Variants in COL6A3 observed in about 807,000 individuals in gnomAD.
The protein encoded by COL6A3 is collagen alpha-3(VI) chain.
In COL6A3, 137 loss-of-function variants were observed where a neutral mutation model predicts 274.1. That is an observed-to-expected ratio of 0.50 (90% CI 0.44 to 0.58). The LOEUF (loss-of-function observed/expected upper bound fraction) is 0.58, where lower values mean the gene tolerates loss of function less well. Ranked by LOEUF, COL6A3 falls within the 20% of genes least tolerant of loss-of-function variation. COL6A3 has a pLI of 0.00. For synonymous variants in COL6A3, 1,650 were observed against 1,650.6 expected, an observed-to-expected ratio of 1.00 and a Z score of 0.01; for missense variants, 3,950 against 4,124.9, an observed-to-expected ratio of 0.96 and a Z score of 1.16.
At chr2:237,395,454 G>T (rs1208682347) in intron 2 of COL6A3, among the ~76,000 whole-genome samples, 1 of 152,202 alleles carries the variant, frequency 6.6e-6, no homozygotes, top group Non-Finnish European at 1.5e-5. Context: ...TGGGCCAGTA[G>T]CATGCTCCAG....
At position 237,368,930 on chromosome 2, in the gene COL6A3, C is replaced by G. The variant is rs2645774; in HGVS notation, c.4533G>C (p.Gly1511=). 2 of 1,613,864 alleles carry G rather than the reference C, an allele frequency of 1.2e-6. No individual in the cohort carries two copies. Among genetic ancestry groups the G allele is most frequent in the African/African-American group, 1.3e-5 (1 of 74,858 alleles). Reference sequence around the variant, plus strand: ...GAGCCTTGCCAGTGTTCAGTGGGGACCCCCCTCTGAGCCTCAGGCGCCGTA... The same window carrying G: ...GAGCCTTGCCAGTGTTCAGTGGGGAGCCCCCTCTGAGCCTCAGGCGCCGTA... ...DAIRRLRLRG[G]SPLNTGKALE... The change falls in exon 10 of 44, where the codon GGG becomes GGC. Residue 1511 remains glycine (G), a synonymous_variant. Coordinates refer to ENST00000295550, the MANE Select transcript of COL6A3 (RefSeq NM_004369.4). The surrounding 1 kb of genome is among the most constrained non-coding windows in gnomAD (Gnocchi z 4.4).
chr2:237,345,072 A>G lies in COL6A3; in HGVS notation c.7148T>C (p.Ile2383Thr). Reference sequence around the variant, plus strand: ...CATGTACTTACGGCATTTATCTTTGATGCTTTGGATGAGGGCACATTGCTT... The same window carrying G: ...CATGTACTTACGGCATTTATCTTTGGTGCTTTGGATGAGGGCACATTGCTT... ...SIDQCALIQS[I>T]KDKCPCCYGP... The change falls in exon 34 of 44, where the codon ATC (isoleucine) becomes ACC (threonine). Residue 2383 changes from isoleucine (I) to threonine (T), a missense_variant. Physicochemically the swap from Ile to Thr is moderately conservative, Grantham distance 89. Around this residue, in one of 5 missense-constraint regions of COL6A3, gnomAD observed 1,284 missense variants for 1,349.7 expected, o/e 0.95. Coordinates refer to ENST00000295550, the MANE Select transcript of COL6A3 (RefSeq NM_004369.4). The G allele has an allele frequency of 6.2e-7, 1 of 1,614,194 alleles. No homozygotes were observed. The highest frequency in any genetic ancestry group is 1.3e-5 in the African/African-American group (1 of 75,048).
At chr2:237,360,199 T>C in intron 16 of COL6A3, 40 bp from the exon 17 acceptor site, 2 of 1,589,036 alleles carry the variant, frequency 1.3e-6, no homozygotes, top group Non-Finnish European at 1.7e-6. Flanking sequence ...GCTGGAGCCC[T>C]TCATCACCCT....
At chr2:237,384,790 C>T (rs1032268186) in intron 4 of COL6A3, among the ~76,000 whole-genome samples, 6 of 152,140 alleles carry the variant, frequency 3.9e-5, no homozygotes, top group Admixed American at 1.3e-4. Context: ...CCACAGCCTA[C>T]CTTCCTCTGC....
chr2:237,381,329 G>C lies in COL6A3; in HGVS notation c.1483C>G (p.Pro495Ala). Residue 495 changes from proline (P) to alanine (A), a missense_variant, in exon 5 of 44, where the codon CCT becomes GCT. By Grantham distance (27) the Pro-to-Ala change is conservative (BLOSUM62 -1). Around this residue, in one of 5 missense-constraint regions of COL6A3, gnomAD observed 1,934 missense variants for 1,984.3 expected, o/e 0.97. Transcript: ENST00000295550. ...AVAQYADTVRPEFYFNTHPTK... is the reference protein window; with the variant it reads ...AVAQYADTVRAEFYFNTHPTK... ...GGATGGGTATTGAAATAAAATTCAG[G>C]CCTCACAGTGTCTGCATACTGGGCC... 6.2e-7 allele frequency: 1 copy of C among 1,614,206 alleles called. No individual in the cohort carries two copies. The highest frequency in any genetic ancestry group is 8.5e-7 in the Non-Finnish European group (1 of 1,180,048).
intron 4 of COL6A3, among the ~76,000 whole-genome samples, chr2:237,382,834 C>G (rs1403416820): frequency 3.3e-5 from 5 of 152,204 alleles, no homozygotes; most frequent in African/African-American, 1.2e-4. Context: ...ATCACCCAGG[C>G]TGGAGTGCAG....
intron 41 of COL6A3, among the ~76,000 whole-genome samples, chr2:237,334,278 G>A (rs1417230083): frequency 6.6e-6 from 1 of 152,202 alleles, no homozygotes; most frequent in African/African-American, 2.4e-5. Context: ...ACCTGGACGG[G>A]GTGGTGGGCA....
At position 237,345,108 on chromosome 2, in the gene COL6A3, TA is replaced by T; in HGVS notation, c.7126-15del. ...GAGGGCACATTGCTTTAAAAGAAAA[TA>T]AAAGAATATGTAAAGAGAGCAAATC... On this transcript the variant is annotated splice_polypyrimidine_tract_variant and intron_variant, in intron 33 of 43. Coordinates refer to ENST00000295550, the MANE Select transcript of COL6A3 (RefSeq NM_004369.4). The T allele has an allele frequency of 6.2e-7, 1 of 1,613,860 alleles. No homozygotes were observed. The highest frequency in any genetic ancestry group is 1.3e-5 in the African/African-American group (1 of 74,922).
At chr2:237,328,605 T>C (rs1179774810) in intron 42 of COL6A3, 1 of 152,250 alleles carries the variant, frequency 6.6e-6, no homozygotes, top group African/African-American at 2.4e-5. Context: ...TCCTGAATGC[T>C]TGACAATGCA....
intron 23 of COL6A3, chr2:237,355,156 T>C: frequency 2.0e-6 from 1 of 507,570 alleles, no homozygotes; most frequent in Non-Finnish European, 3.5e-6. Flanking sequence ...GAAGTTTTGC[T>C]TCCTTGCTGC....
intron 23 of COL6A3, 113 bp from the exon 24 acceptor site, chr2:237,355,047 T>TAA: frequency 2.0e-6 from 2 of 995,974 alleles, no homozygotes; most frequent in Non-Finnish European, 3.1e-6. Context: ...AGGGGAATCT[T>TAA]CCCAAGCACC....
chr2:237,383,503 T>C (rs1052146192), intron 4 of COL6A3, among the ~76,000 whole-genome samples: 1 of 142,848 alleles, frequency 7.0e-6, no homozygotes, highest in African/African-American at 2.6e-5. Context: ...AGAAGACTTA[T>C]ACCTTTGTAC....
At chr2:237,375,119 TCCAAATCC>T in intron 7 of COL6A3, 99 bp from the exon 8 acceptor site, 2 of 1,554,956 alleles carry the variant, frequency 1.3e-6, no homozygotes, top group South Asian at 2.3e-5. Context: ...GATGTCCAAG[TCCAAATCC>T]CCGAACTTGA....
intron 9 of COL6A3, among the ~76,000 whole-genome samples, chr2:237,370,781 C>G (rs966838786): frequency 6.6e-6 from 1 of 152,162 alleles, no homozygotes; most frequent in Non-Finnish European, 1.5e-5. Context: ...AATCAGCCCC[C>G]GCATTGGGGA....
Position 237,381,223 on chromosome 2 carries a change from T to A in COL6A3, c.1589A>T (p.Asp530Val), listed in dbSNP as rs1448160267. The A allele has an allele frequency of 6.2e-7, 1 of 1,614,214 alleles. No individual in the cohort carries two copies. The highest frequency in any genetic ancestry group is 2.2e-5 in the East Asian group (1 of 44,884). The change falls in exon 5 of 44, where the codon GAC becomes GTC. Residue 530 changes from aspartate to valine, a missense_variant. Asp to Val is a radical substitution (Grantham distance 152, BLOSUM62 -3). Around this residue, in one of 5 missense-constraint regions of COL6A3, gnomAD observed 1,934 missense variants for 1,984.3 expected, o/e 0.97. Coordinates refer to ENST00000295550, the MANE Select transcript of COL6A3 (RefSeq NM_004369.4). ...CGTGAATAGGTTGTTACGAACAAAG[T>A]CTAGAGCAGAGCCCGTGTACAGGGC... is the stretch of plus-strand genomic sequence containing the variant. ...GSALYTGSAL[D>V]FVRNNLFTSS...
At position 237,340,964 on chromosome 2, in the gene COL6A3, A is replaced by C. The variant is rs1024862202; in HGVS notation, c.7952T>G (p.Met2651Arg). The change falls in exon 38 of 44, where the codon ATG becomes AGG. Residue 2651 changes from methionine to arginine, a missense_variant. By Grantham distance (91) the Met-to-Arg change is moderately conservative (BLOSUM62 -1). Around this residue, in one of 5 missense-constraint regions of COL6A3, gnomAD observed 1,284 missense variants for 1,349.7 expected, o/e 0.95. Transcript: ENST00000295550. ...YIAYLVRQLD[M>R]SPDPKASQHF... Reference sequence around the variant, plus strand: ...CTGGGAGGCCTTGGGATCTGGGCTCATGTCCAGTTGTCTGACCAGGTACGC... The same window carrying C: ...CTGGGAGGCCTTGGGATCTGGGCTCCTGTCCAGTTGTCTGACCAGGTACGC... The C allele has an allele frequency of 6.2e-7, 1 of 1,614,160 alleles. No homozygotes were observed. The highest frequency in any genetic ancestry group is 1.3e-5 in the African/African-American group (1 of 75,042).
chr2:237,391,788 G>A (rs2078295182), intron 3 of COL6A3, among the ~76,000 whole-genome samples: 1 of 152,208 alleles, frequency 6.6e-6, no homozygotes, highest in Non-Finnish European at 1.5e-5. Flanking sequence ...GCCTCCCAAA[G>A]TGCTGGGATT....
chr2:237,351,234 C>T (rs778143641), intron 26 of COL6A3, 42 bp from the exon 27 acceptor site: 17 of 1,598,864 alleles, frequency 1.1e-5, no homozygotes, highest in African/African-American at 5.4e-5. Context: ...AGTGGCCAAC[C>T]GTCCAGGCAA....
chr2:237,350,037 C>G (rs2077173249), intron 28 of COL6A3, 110 bp downstream of exon 28: 2 of 1,026,052 alleles, frequency 1.9e-6, no homozygotes, highest in Non-Finnish European at 3.1e-6. Flanking sequence ...GCCGTATCCC[C>G]AATAATACAA....
Sources: allele counts gnomAD v4.1 joint callset (sites outside exome capture counted in the v4.1 genomes callset), GRCh38; gene constraint gnomAD v4.1.1; regional missense constraint gnomAD v4.1.1; non-coding constraint Gnocchi (gnomAD v3.1); transcripts MANE v1.5; gene names NCBI Gene and HGNC (gene_info 2026-07-23, HGNC 2026-07-21).